The following UBAP2L variants were observed in gnomAD, a reference collection of about 807,000 sequenced individuals.
The protein encoded by UBAP2L is ubiquitin associated protein 2 like, also known as ubiquitin-associated protein 2-like.
UBAP2L carries 12 observed loss-of-function variants against 130.6 expected under a neutral mutation model. The observed-to-expected ratio is 0.09, with a 90% CI of 0.06 to 0.15. The LOEUF is 0.15. UBAP2L is among the 10% of genes least tolerant of loss of function. UBAP2L has a pLI of 1.00. For missense variants in UBAP2L, 965 were observed against 1,332.5 expected, an observed-to-expected ratio of 0.72 and a Z score of 4.29; for synonymous variants, 503 against 524.7, an observed-to-expected ratio of 0.96 and a Z score of 0.57.
At chr1:154,255,590 T>A in intron 17 of UBAP2L, 93 bp from the exon 18 acceptor site, 2 of 1,424,110 alleles carry the variant, frequency 1.4e-6, no homozygotes, top group Non-Finnish European at 9.9e-7. Flanking sequence ...GTGTCCCATA[T>A]TATGTCTTAT....
intron 24 of UBAP2L, 61 bp from the exon 25 acceptor site, chr1:154,266,440 C>T: frequency 6.4e-7 from 1 of 1,560,566 alleles, no homozygotes; most frequent in Non-Finnish European, 8.8e-7. Context: ...CACCTCATCT[C>T]AGGAATAAGG....
At chr1:154,220,334 C>T (rs773688709), upstream of UBAP2L, 1 of 1,613,938 alleles carries the variant, frequency 6.2e-7, no homozygotes, top group South Asian at 1.1e-5. Context: ...GTGGGGTAAT[C>T]TCCTCACCAG....
chr1:154,255,579 G>A (rs1367032445), intron 17 of UBAP2L, 104 bp from the exon 18 acceptor site: 5 of 1,350,502 alleles, frequency 3.7e-6, no homozygotes, highest in Non-Finnish European at 5.3e-6. Flanking sequence ...AGACCTCCTT[G>A]GTGTCCCATA....
At chr1:154,255,972 A>G (rs1406296406) in intron 18 of UBAP2L, among the ~76,000 whole-genome samples, 3 of 152,214 alleles carry the variant, frequency 2.0e-5, no homozygotes, top group Non-Finnish European at 4.4e-5. Flanking sequence ...AAGCCCTGAA[A>G]GTGACTTTCT....
At chr1:154,263,061 G>A (rs1480437260) in intron 24 of UBAP2L, 11 of 1,547,252 alleles carry the variant, frequency 7.1e-6, no homozygotes, top group Non-Finnish European at 7.9e-6. Context: ...AAGGGCTTTT[G>A]TCATTCCATT....
At chr1:154,266,278 T>A (rs1558234591) in intron 24 of UBAP2L, among the ~76,000 whole-genome samples, 1 of 152,090 alleles carries the variant, frequency 6.6e-6, no homozygotes, top group Non-Finnish European at 1.5e-5. Context: ...TACCTCACTC[T>A]CTCTCACGTA....
At chr1:154,259,912 C>T in intron 21 of UBAP2L, 36 bp from the exon 22 acceptor site, 1 of 1,585,778 alleles carries the variant, frequency 6.3e-7, no homozygotes, top group Non-Finnish European at 8.7e-7. Flanking sequence ...GAATGAGTGA[C>T]ATTGAATCTC....
chr1:154,254,051 A>G lies in UBAP2L; in HGVS notation c.1816A>G (p.Ile606Val). The G allele has an allele frequency of 6.3e-7, 1 of 1,599,036 alleles. No homozygotes were observed. Among genetic ancestry groups the G allele is most frequent in the Non-Finnish European group, 8.5e-7 (1 of 1,173,736 alleles). ...STQTRRYPSS[I>V]SSSPQKDLTQ... ...ACAGACTCGGCGGTACCCCAGCTCC[A>G]TCTCTTCATCACCCCAAAAGGACCT... The change falls in exon 15 of 27, where the codon ATC becomes GTC. Residue 606 changes from isoleucine to valine, a missense_variant. By Grantham distance (29) the Ile-to-Val change is conservative. Coordinates refer to ENST00000428931, the MANE Select transcript of UBAP2L (RefSeq NM_014847.4).
In UBAP2L at chr1:154,270,771, T is replaced by G. The variant is rs1229320371; in HGVS notation, c.*476T>G. The G allele has an allele frequency of 7.5e-5, 53 of 707,682 alleles. No individual in the cohort carries two copies. The African/African-American group carries it at 1.3e-3, about 17-fold the overall frequency. 43.8% of individuals were successfully genotyped at this position (707,682 alleles called of 1,614,324 possible). On this transcript the variant is annotated 3_prime_UTR_variant, in exon 27 of 27. Coordinates refer to ENST00000428931, the MANE Select transcript of UBAP2L (RefSeq NM_014847.4). ...ATTAGTTGAAGTGGTTTTTTTTTTGTTTTTTTTTTTTTTTTGTACTGTGTC... is the reference window on the plus strand; with the variant it reads ...ATTAGTTGAAGTGGTTTTTTTTTTGGTTTTTTTTTTTTTTTGTACTGTGTC...
chr1:154,234,901 G>T, intron 5 of UBAP2L, 142 bp downstream of exon 5: 3 of 1,147,340 alleles, frequency 2.6e-6, no homozygotes, highest in Non-Finnish European at 3.7e-6. Context: ...CTGAGACCTT[G>T]ACATCTCTTG....
chr1:154,241,149 C>T (rs543689594), intron 8 of UBAP2L, among the ~76,000 whole-genome samples: 2 of 151,898 alleles, frequency 1.3e-5, no homozygotes, highest in African/African-American at 2.4e-5. Flanking sequence ...AGTGCAATGC[C>T]GCGATCTCAG....
chr1:154,256,384 C>T (rs1679660236), intron 18 of UBAP2L, among the ~76,000 whole-genome samples: 1 of 152,154 alleles, frequency 6.6e-6, no homozygotes, highest in African/African-American at 2.4e-5. Flanking sequence ...CCTCTGTAAT[C>T]CCAACACTTT....
At chr1:154,255,013 G>GA (rs2148938143) in intron 16 of UBAP2L, 123 bp downstream of exon 16, 2 of 1,423,518 alleles carry the variant, frequency 1.4e-6, no homozygotes, top group East Asian at 2.3e-5. Context: ...CAGCATTAAA[G>GA]AAAAAAGATT....
intron 2 of UBAP2L, 33 bp downstream of exon 2, chr1:154,225,246 A>G (rs779659558): frequency 6.2e-7 from 1 of 1,606,122 alleles, no homozygotes; most frequent in South Asian, 1.1e-5. Flanking sequence ...ATTCATGGAT[A>G]GCGTTGCCTG....
At chr1:154,261,341 C>T (rs1461900025) in intron 23 of UBAP2L, among the ~76,000 whole-genome samples, 1 of 152,190 alleles carries the variant, frequency 6.6e-6, no homozygotes, top group Non-Finnish European at 1.5e-5. Context: ...TGATACCATA[C>T]AGCTTTGCTT....
intron 4 of UBAP2L, among the ~76,000 whole-genome samples, chr1:154,229,157 A>G (rs1339898507): frequency 1.3e-5 from 2 of 151,830 alleles, no homozygotes; most frequent in Non-Finnish European, 2.9e-5. Flanking sequence ...TGAATTCAGG[A>G]CATTCCCCTC....
upstream of UBAP2L, chr1:154,220,533 G>C (rs1193074478): frequency 1.1e-6 from 1 of 926,250 alleles, no homozygotes; most frequent in African/African-American, 1.7e-5. Context: ...TACGGGGGAA[G>C]ACCAAGCCAG....
intron 14 of UBAP2L, 56 bp downstream of exon 14, chr1:154,251,709 T>G (rs1228993245): frequency 7.5e-6 from 12 of 1,593,838 alleles, no homozygotes; most frequent in Non-Finnish European, 1.0e-5. Context: ...ACTTTTTTAA[T>G]CTGTGGGAGA....
chr1:154,251,464 C>G lies in UBAP2L; in HGVS notation c.1492-17C>G. The G allele has an allele frequency of 6.2e-7, 1 of 1,609,686 alleles. No homozygotes were observed. The highest frequency in any genetic ancestry group is 1.1e-5 in the South Asian group (1 of 90,438). ...TGTATTAAAGCCATTACTTTCTCTTCTCCTTCAACTTTATAGATTCCTGCT... is the reference window on the plus strand; with the variant it reads ...TGTATTAAAGCCATTACTTTCTCTTGTCCTTCAACTTTATAGATTCCTGCT... On this transcript the variant is annotated splice_polypyrimidine_tract_variant and intron_variant, in intron 13 of 26. Coordinates refer to ENST00000428931, the MANE Select transcript of UBAP2L (RefSeq NM_014847.4).
Sources: allele counts gnomAD v4.1 joint callset (sites outside exome capture counted in the v4.1 genomes callset), GRCh38; gene constraint gnomAD v4.1.1; transcripts MANE v1.5; gene names NCBI Gene and HGNC (gene_info 2026-07-23, HGNC 2026-07-21).